Variants in NRXN3 observed in about 807,000 individuals in gnomAD.
NRXN3 encodes neurexin 3, also known as neurexin III.
A neutral mutation model predicts 137.6 loss-of-function variants in NRXN3; 32 were observed. That is an observed-to-expected ratio of 0.23 (90% CI 0.18 to 0.31). The LOEUF (loss-of-function observed/expected upper bound fraction) is 0.31, where lower values mean the gene tolerates loss of function less well. NRXN3 is among the 10% of genes least tolerant of loss of function. The pLI is 1.00. For synonymous variants in NRXN3, 798 were observed against 784.5 expected, an observed-to-expected ratio of 1.02 and a Z score of -0.29; for missense variants, 1,574 against 2,062.5, an observed-to-expected ratio of 0.76 and a Z score of 4.59.
intron 16 of NRXN3, among the ~76,000 whole-genome samples, chr14:79,634,380 C>T (rs906573409): frequency 2.6e-5 from 4 of 151,960 alleles, no homozygotes; most frequent in Non-Finnish European, 5.9e-5. Flanking sequence ...TGATAGGTTA[C>T]GTATGGAAAA....
At chr14:78,664,236 A>G (rs1279091479) in intron 6 of NRXN3, among the ~76,000 whole-genome samples, 1 of 152,168 alleles carries the variant, frequency 6.6e-6, no homozygotes, top group Non-Finnish European at 1.5e-5. Flanking sequence ...TTGTTCAGGT[A>G]ATGCTTGCTA....
intron 4 of NRXN3, among the ~76,000 whole-genome samples, chr14:78,509,014 T>A (rs745845569): frequency 1.3e-5 from 2 of 152,114 alleles, no homozygotes; most frequent in Admixed American, 1.3e-4. Context: ...TTATGTTAAA[T>A]TTGGGCCAGG....
intron 15 of NRXN3, among the ~76,000 whole-genome samples, chr14:79,325,050 C>T (rs2090646117): frequency 6.6e-6 from 1 of 152,178 alleles, no homozygotes; most frequent in Non-Finnish European, 1.5e-5. Context: ...ATACATTTAT[C>T]TCTTGGCTAT....
At chr14:78,970,093 G>A (rs1461570453) in intron 14 of NRXN3, among the ~76,000 whole-genome samples, 1 of 152,092 alleles carries the variant, frequency 6.6e-6, no homozygotes, top group Admixed American at 6.6e-5. Context: ...ATCATATGAA[G>A]TCAAATCACA....
At chr14:78,736,970 T>G (rs1472447862) in intron 8 of NRXN3, among the ~76,000 whole-genome samples, 1 of 152,182 alleles carries the variant, frequency 6.6e-6, no homozygotes, top group Non-Finnish European at 1.5e-5. Flanking sequence ...CCTGGTAGAT[T>G]ACATGAACTG....
chr14:78,704,537 A>T (rs1567101497), intron 6 of NRXN3, among the ~76,000 whole-genome samples: 1 of 152,052 alleles, frequency 6.6e-6, no homozygotes, highest in Non-Finnish European at 1.5e-5. Context: ...GCAGGAGGGG[A>T]AGGGCTTTGC....
At chr14:78,936,286 C>G (rs1217517236) in intron 10 of NRXN3, among the ~76,000 whole-genome samples, 2 of 152,168 alleles carry the variant, frequency 1.3e-5, no homozygotes, top group African/African-American at 4.8e-5. Flanking sequence ...CACATGGGCC[C>G]TAGAACTAAA....
intron 4 of NRXN3, among the ~76,000 whole-genome samples, chr14:78,406,149 T>C (rs1031816818): frequency 1.3e-5 from 2 of 152,182 alleles, no homozygotes; most frequent in Non-Finnish European, 2.9e-5. Context: ...CATGGAGAAG[T>C]AGAAATTAAG....
At chr14:78,370,952 C>T (rs1198209216) in intron 4 of NRXN3, among the ~76,000 whole-genome samples, 1 of 151,994 alleles carries the variant, frequency 6.6e-6, no homozygotes, top group Non-Finnish European at 1.5e-5. Context: ...AGTGTGAATA[C>T]AAAAAAGTAG....
chr14:79,661,438 A>T (rs1334329580), intron 16 of NRXN3, among the ~76,000 whole-genome samples: 2 of 152,150 alleles, frequency 1.3e-5, no homozygotes, highest in Non-Finnish European at 2.9e-5. Context: ...TGACTTGTCC[A>T]TTCTTTTATT....
At chr14:78,954,391 A>G (rs1375306320) in intron 10 of NRXN3, among the ~76,000 whole-genome samples, 2 of 151,812 alleles carry the variant, frequency 1.3e-5, no homozygotes, top group South Asian at 4.2e-4. Flanking sequence ...TTTTTTTTCT[A>G]CTTTAAGAAT....
At chr14:78,894,145 G>T (rs1489520983) in intron 10 of NRXN3, among the ~76,000 whole-genome samples, 1 of 151,810 alleles carries the variant, frequency 6.6e-6, no homozygotes, top group African/African-American at 2.4e-5. Flanking sequence ...CAACAATGAA[G>T]TTTGCTTTAT....
At chr14:79,837,023 T>C (rs2099345550) in intron 20 of NRXN3, among the ~76,000 whole-genome samples, 2 of 152,270 alleles carry the variant, frequency 1.3e-5, no homozygotes, top group South Asian at 4.1e-4. Context: ...CCTACATTAT[T>C]CCAGGATCTT....
Position 79,126,319 on chromosome 14 carries a change from T to TC in NRXN3, c.3262+138185dup, listed in dbSNP as rs1391157139. Among the ~76,000 whole-genome samples the TC allele has an allele frequency of 8.5e-5, 9 of 106,110 alleles. No homozygotes were observed. In the East Asian group the frequency reaches 9.9e-4, roughly 12 times the overall value. 69.6% of individuals were successfully genotyped at this position (106,110 alleles called of 152,430 possible). On this transcript the variant is annotated intron_variant, in intron 15 of 20. Coordinates refer to ENST00000335750, the MANE Select transcript of NRXN3 (RefSeq NM_001330195.2). ...TAGGTATATCTCCCAATGCTATCCCTCCCCCCCGCCCCACCCCACGACCGT... is the reference window on the plus strand; with the variant it reads ...TAGGTATATCTCCCAATGCTATCCCTCCCCCCCCGCCCCACCCCACGACCGT...
At chr14:78,488,634 A>G (rs1005866595) in intron 4 of NRXN3, among the ~76,000 whole-genome samples, 1 of 152,028 alleles carries the variant, frequency 6.6e-6, no homozygotes. Flanking sequence ...GAAAGAATCA[A>G]GTGTTGAGGG....
chr14:78,382,835 G>T (rs1348124790), intron 4 of NRXN3, among the ~76,000 whole-genome samples: 1 of 152,170 alleles, frequency 6.6e-6, no homozygotes, highest in Non-Finnish European at 1.5e-5. Context: ...CCTGGGGCTT[G>T]TGAGGCTGGA....
chr14:78,986,761 A>C (rs1264398029), intron 14 of NRXN3, among the ~76,000 whole-genome samples: 1 of 152,024 alleles, frequency 6.6e-6, no homozygotes, highest in Non-Finnish European at 1.5e-5. Flanking sequence ...AGTGGTTCAC[A>C]CCTGTAATCC....
intron 4 of NRXN3, among the ~76,000 whole-genome samples, chr14:78,546,431 A>G (rs746239759): frequency 2.6e-5 from 4 of 152,120 alleles, no homozygotes; most frequent in Non-Finnish European, 4.4e-5. Context: ...TTGTCTTTCC[A>G]TAGTAATATT....
At chr14:78,652,085 C>A (rs907871514) in intron 6 of NRXN3, among the ~76,000 whole-genome samples, 2 of 152,196 alleles carry the variant, frequency 1.3e-5, no homozygotes, top group African/African-American at 4.8e-5. Context: ...AAAGCTCTAG[C>A]TAAAAGTGGC....
Sources: gnomAD v4.1 joint callset for allele counts (sites outside exome capture counted in the v4.1 genomes callset) on GRCh38, gnomAD v4.1.1 for gene constraint, MANE v1.5 for transcripts, NCBI Gene and HGNC (gene_info 2026-07-23, HGNC 2026-07-21) for gene names.